The following CLVS1 variants were observed in gnomAD, a reference collection of about 807,000 sequenced individuals.
The protein encoded by CLVS1 is clavesin-1.
Under a neutral mutation model 33.1 loss-of-function variants are expected in CLVS1, and 10 were observed. The ratio of observed to expected loss-of-function variants is 0.30; its 90% CI spans 0.19 to 0.51. CLVS1 has a LOEUF of 0.51. Ranked by LOEUF, CLVS1 falls within the 20% of genes least tolerant of loss-of-function variation. The pLI, the probability that CLVS1 is intolerant of heterozygous loss-of-function variation, is 0.97. For missense variants in CLVS1, 343 were observed against 433.4 expected, an observed-to-expected ratio of 0.79 and a Z score of 1.85; for synonymous variants, 163 against 166.1, an observed-to-expected ratio of 0.98 and a Z score of 0.14.
intron 2 of CLVS1, among the ~76,000 whole-genome samples, chr8:61,205,658 A>C (rs1481067371): frequency 6.6e-6 from 1 of 152,148 alleles, no homozygotes; most frequent in Non-Finnish European, 1.5e-5. Context: ...TGGTAATTCC[A>C]TGTTTAATTT....
At chr8:61,314,695 A>T (rs893816508) in intron 2 of CLVS1, among the ~76,000 whole-genome samples, 3 of 152,238 alleles carry the variant, frequency 2.0e-5, no homozygotes, top group Non-Finnish European at 2.9e-5. Context: ...TTAGAGAATT[A>T]TGAAGAGCTC....
At chr8:61,233,618 C>T (rs772241017) in intron 2 of CLVS1, among the ~76,000 whole-genome samples, 21 of 152,260 alleles carry the variant, frequency 1.4e-4, no homozygotes, top group Non-Finnish European at 2.9e-4. Flanking sequence ...ACTCCTAGAA[C>T]CAGACTCCTT....
At chr8:61,283,218 C>A (rs529179282), upstream of CLVS1, among the ~76,000 whole-genome samples, 3 of 152,274 alleles carry the variant, frequency 2.0e-5, no homozygotes, top group South Asian at 6.2e-4. Context: ...ATTTTGATAA[C>A]AGTGGTTATG....
chr8:61,424,172 AC>A (rs1270468884), intron 3 of CLVS1, among the ~76,000 whole-genome samples: 1 of 152,134 alleles, frequency 6.6e-6, no homozygotes, highest in African/African-American at 2.4e-5. Flanking sequence ...ATAATCATTC[AC>A]CTGTGTTCTT....
chr8:61,356,265 G>A (rs1340816935), intron 2 of CLVS1, among the ~76,000 whole-genome samples: 1 of 152,018 alleles, frequency 6.6e-6, no homozygotes, highest in Non-Finnish European at 1.5e-5. Context: ...GGGGTTGTTT[G>A]TTTTTTTCTT....
intron 2 of CLVS1, among the ~76,000 whole-genome samples, chr8:61,364,767 T>C (rs578193765): frequency 6.6e-6 from 1 of 152,364 alleles, no homozygotes; most frequent in East Asian, 1.9e-4. Context: ...TAAAAGCATG[T>C]TATCCTTGTA....
intron 3 of CLVS1, among the ~76,000 whole-genome samples, chr8:61,387,573 C>A (rs1402246631): frequency 2.0e-5 from 3 of 150,496 alleles, no homozygotes; most frequent in African/African-American, 7.3e-5. Context: ...TTTGGTGCAC[C>A]CATCACCCGA....
At chr8:61,105,738 A>T (rs1437537414) in intron 1 of CLVS1, among the ~76,000 whole-genome samples, 2 of 152,060 alleles carry the variant, frequency 1.3e-5, no homozygotes, top group Non-Finnish European at 2.9e-5. Flanking sequence ...AAGTGCAATC[A>T]TGTTAGGGTA....
Position 61,430,929 on chromosome 8 carries a change from G to A in CLVS1, c.631-23212G>A, listed in dbSNP as rs73685016. ...CAGGACATGAAGATGACGGCAAGCTGGGTGAAATATGAATAATAGAGATTT... is the reference window on the plus strand; with the variant it reads ...CAGGACATGAAGATGACGGCAAGCTAGGTGAAATATGAATAATAGAGATTT... On this transcript the variant is annotated intron_variant, in intron 3 of 5. Transcript: ENST00000325897. Among the ~76,000 whole-genome samples, 1,394 of 152,224 alleles carry A rather than the reference G, an allele frequency of 9.2e-3. 26 individuals carry two copies. Among genetic ancestry groups the A allele is most frequent in the African/African-American group, 0.032 (1,330 of 41,516 alleles).
At chr8:61,121,362 C>T (rs547445224) in intron 1 of CLVS1, among the ~76,000 whole-genome samples, 6 of 152,182 alleles carry the variant, frequency 3.9e-5, no homozygotes, top group African/African-American at 1.2e-4. Flanking sequence ...AGCTGTAGAC[C>T]AGAGCTGTTC....
intron 3 of CLVS1, among the ~76,000 whole-genome samples, chr8:61,445,935 A>G (rs1396090449): frequency 1.3e-5 from 2 of 152,170 alleles, no homozygotes; most frequent in Non-Finnish European, 2.9e-5. Context: ...GTTGTTAAAT[A>G]TGTGCATGTA....
chr8:61,387,984 A>T (rs1814153899), intron 3 of CLVS1, among the ~76,000 whole-genome samples: 1 of 152,158 alleles, frequency 6.6e-6, no homozygotes, highest in South Asian at 2.1e-4. Flanking sequence ...TCCTGTGGGT[A>T]GATACCGAGG....
At chr8:61,041,400 A>G in the CLVS1 span, among the ~76,000 whole-genome samples, 13 of 152,160 alleles carry the variant, frequency 8.5e-5, no homozygotes, top group African/African-American at 3.1e-4. Flanking sequence ...ATAATGTTGA[A>G]TCTATACATT....
At chr8:61,083,915 A>G (rs1203083271) in intron 1 of CLVS1, among the ~76,000 whole-genome samples, 2 of 152,220 alleles carry the variant, frequency 1.3e-5, no homozygotes, top group East Asian at 3.9e-4. Flanking sequence ...TACATTTACT[A>G]TATTCTGGTA....
Position 61,202,857 on chromosome 8 carries a change from A to T in CLVS1, c.-152+70997A>T, listed in dbSNP as rs911880590. On this transcript the variant is annotated intron_variant, in intron 2 of 2. Transcript: ENST00000522621. ...ATGAAGATGATGATGATGATGAAGA[A>T]GATGATGATGATGAAGATGATGATG... 95 of 977,518 alleles carry T rather than the reference A, an allele frequency of 9.7e-5. No individual in the cohort carries two copies. The African/African-American group carries it at 1.1e-3, about 12-fold the overall frequency. 60.6% of individuals were successfully genotyped at this position (977,518 alleles called of 1,614,324 possible). A position where few individuals can be genotyped will look rare whatever the true frequency, so the allele number is the denominator to read the frequency against.
chr8:61,181,182 C>T (rs1051756744), intron 2 of CLVS1, among the ~76,000 whole-genome samples: 4 of 152,138 alleles, frequency 2.6e-5, no homozygotes, highest in Admixed American at 1.3e-4. Flanking sequence ...TATTCCTATA[C>T]ACCAACAATA....
chr8:61,154,217 TTTTG>T (rs796552651), intron 2 of CLVS1, among the ~76,000 whole-genome samples: 7 of 151,804 alleles, frequency 4.6e-5, no homozygotes, highest in African/African-American at 7.3e-5. Flanking sequence ...TTTTGTTTTT[TTTTG>T]TTTGTTTGTT....
At chr8:61,409,346 C>A (rs1490955508) in intron 3 of CLVS1, among the ~76,000 whole-genome samples, 1 of 152,006 alleles carries the variant, frequency 6.6e-6, no homozygotes, top group East Asian at 1.9e-4. Flanking sequence ...TATTTCTCCT[C>A]TTTTTTATAC....
intron 2 of CLVS1, among the ~76,000 whole-genome samples, chr8:61,182,603 G>T (rs563184018): frequency 3.2e-4 from 48 of 152,272 alleles, no homozygotes; most frequent in African/African-American, 1.1e-3. Flanking sequence ...GATCATTAGA[G>T]AAATGCAAAT....
Sources: gnomAD v4.1 joint callset for allele counts (sites outside exome capture counted in the v4.1 genomes callset) on GRCh38, gnomAD v4.1.1 for gene constraint, MANE v1.5 for transcripts, NCBI Gene and HGNC (gene_info 2026-07-23, HGNC 2026-07-21) for gene names.